DMXL1: variants seen among roughly 807,000 people sequenced by gnomAD.
The protein encoded by DMXL1 is Dmx like 1.
A neutral mutation model predicts 319.2 loss-of-function variants in DMXL1; 99 were observed. That is an observed-to-expected ratio of 0.31 (90% CI 0.26 to 0.37). The LOEUF (loss-of-function observed/expected upper bound fraction) is 0.37, where lower values mean the gene tolerates loss of function less well. DMXL1 is among the 10% of genes least tolerant of loss of function. The probability of loss-of-function intolerance (pLI) is 1.00; values close to 1 mark genes in which losing one functional copy is unlikely to be tolerated. For missense variants in DMXL1, 3,745 were observed against 3,595.6 expected (o/e 1.04, Z -1.06); for synonymous variants, 1,385 against 1,235.2 (o/e 1.12, Z -2.54).
At chr5:119,177,134 G>A (rs887448030) in intron 26 of DMXL1, among the ~76,000 whole-genome samples, 3 of 151,960 alleles carry the variant, frequency 2.0e-5, no homozygotes, top group Admixed American at 6.6e-5. Context: ...TTTCTCATTT[G>A]TACTTATTCT....
chr5:119,156,636 G>A (rs1255156636), intron 19 of DMXL1, among the ~76,000 whole-genome samples: 5 of 151,532 alleles, frequency 3.3e-5, no homozygotes, highest in Non-Finnish European at 7.4e-5. Flanking sequence ...GGATCATGTG[G>A]TAATTTTGTT....
intron 32 of DMXL1, among the ~76,000 whole-genome samples, chr5:119,199,197 T>C (rs533359173): frequency 1.3e-3 from 200 of 152,182 alleles, no homozygotes; most frequent in Non-Finnish European, 2.4e-3. Context: ...CCCCAGTAGT[T>C]ATTTTTGTGA....
intron 9 of DMXL1, among the ~76,000 whole-genome samples, chr5:119,123,247 G>A (rs909583512): frequency 6.6e-6 from 1 of 151,714 alleles, no homozygotes; most frequent in Non-Finnish European, 1.5e-5. Flanking sequence ...AGCCGAGATG[G>A]CGGCAGTACA....
chr5:119,220,838 A>G, intron 36 of DMXL1, 102 bp from the exon 37 acceptor site: 9 of 1,403,312 alleles, frequency 6.4e-6, no homozygotes, highest in African/African-American at 1.4e-5. Context: ...GCTGAAGAAA[A>G]TTAATTTTAA....
At chr5:119,165,465 C>G (rs1231043772) in intron 21 of DMXL1, among the ~76,000 whole-genome samples, 185 bp downstream of exon 21, 1 of 152,116 alleles carries the variant, frequency 6.6e-6, no homozygotes, top group Non-Finnish European at 1.5e-5. Flanking sequence ...TGGAAGAAAC[C>G]TGATGAGGTC....
intron 7 of DMXL1, 23 bp downstream of exon 7, chr5:119,116,359 T>A (rs766767741): frequency 1.2e-6 from 2 of 1,604,982 alleles, no homozygotes; most frequent in South Asian, 2.2e-5. Flanking sequence ...GTCATTTCCC[T>A]CCACATATTA....
chr5:119,153,822 T>C (rs1770378216), intron 19 of DMXL1, among the ~76,000 whole-genome samples: 1 of 152,224 alleles, frequency 6.6e-6, no homozygotes, highest in Admixed American at 6.5e-5. Context: ...CTAGGTTGCA[T>C]TTTGCAAATA....
At position 119,129,127 on chromosome 5, in the gene DMXL1, G is replaced by GTAATAAAATA. The variant is rs1163891099; in HGVS notation, c.1103-79_1103-78insAAATATAATA. 5.0e-6 allele frequency: 4 copies of GTAATAAAATA among 802,064 alleles called. No homozygotes were observed. In the African/African-American group the frequency reaches 7.1e-5, roughly 14 times the overall value. 49.7% of individuals were successfully genotyped at this position (802,064 alleles called of 1,614,324 possible). On this transcript the variant is annotated intron_variant, in intron 9 of 43. Transcript: ENST00000539542. Reference sequence around the variant, plus strand: ...ACTTTCAGGCAAACAAAATATAAATGTAATAGTAATAAAAATATGAAACAT... The same window carrying GTAATAAAATA: ...ACTTTCAGGCAAACAAAATATAAATGTAATAAAATATAATAGTAATAAAAATATGAAACAT...
chr5:119,159,335 A>G (rs1771760372), intron 19 of DMXL1, among the ~76,000 whole-genome samples: 1 of 152,138 alleles, frequency 6.6e-6, no homozygotes, highest in African/African-American at 2.4e-5. Flanking sequence ...GACCTCAAGT[A>G]ATCTGCCTGC....
At chr5:119,140,771 C>T (rs1767134895) in intron 13 of DMXL1, among the ~76,000 whole-genome samples, 4 of 152,094 alleles carry the variant, frequency 2.6e-5, no homozygotes, top group Admixed American at 2.6e-4. Context: ...CCAGCATTAT[C>T]CTGATACCAA....
intron 8 of DMXL1, among the ~76,000 whole-genome samples, chr5:119,120,689 C>A (rs932707253): frequency 6.6e-6 from 1 of 151,654 alleles, no homozygotes. Flanking sequence ...TTAGGAAATA[C>A]ATTTTAAGAA....
chr5:119,078,297 T>G (rs1034148203), intron 1 of DMXL1, among the ~76,000 whole-genome samples: 2 of 152,126 alleles, frequency 1.3e-5, no homozygotes, highest in African/African-American at 4.8e-5. Context: ...TCACTTTTAT[T>G]TTCACAAACT....
At chr5:119,086,195 C>A (rs536003799) in intron 1 of DMXL1, among the ~76,000 whole-genome samples, 64 of 152,224 alleles carry the variant, frequency 4.2e-4, no homozygotes, top group African/African-American at 1.1e-3. Context: ...CCTTATGAAA[C>A]CATCAGATCT....
At chr5:119,150,774 G>T (rs1307629914) in intron 18 of DMXL1, among the ~76,000 whole-genome samples, 2 of 151,522 alleles carry the variant, frequency 1.3e-5, no homozygotes, top group Non-Finnish European at 2.9e-5. Context: ...GGACAATAGA[G>T]CAAGACCCTG....
chr5:119,186,015 C>T (rs1286832209), intron 28 of DMXL1, among the ~76,000 whole-genome samples: 1 of 152,130 alleles, frequency 6.6e-6, no homozygotes, highest in Non-Finnish European at 1.5e-5. Flanking sequence ...TTAACATATA[C>T]CTCTTAGGAG....
chr5:119,098,521 T>C (rs1756505329), intron 2 of DMXL1, among the ~76,000 whole-genome samples: 1 of 152,186 alleles, frequency 6.6e-6, no homozygotes, highest in Non-Finnish European at 1.5e-5. Context: ...TGTGTAACTT[T>C]TTGTGGAAAT....
intron 25 of DMXL1, among the ~76,000 whole-genome samples, chr5:119,173,786 A>ATATATATATATATATATATATATATG (rs1775212025): frequency 8.2e-6 from 1 of 122,266 alleles, no homozygotes; most frequent in Admixed American, 8.6e-5. Context: ...GTATATATAT[A>ATATATATATATATATATATATATATG]TATATATATA....
At chr5:119,071,855 C>T (rs946550468) in intron 1 of DMXL1, among the ~76,000 whole-genome samples, 199 bp downstream of exon 1, 11 of 152,256 alleles carry the variant, frequency 7.2e-5, no homozygotes, top group Admixed American at 7.2e-4. Flanking sequence ...TGTATGGAGC[C>T]TGAACTCAAG....
intron 43 of DMXL1, 37 bp from the exon 44 acceptor site, chr5:119,246,958 C>A: frequency 6.7e-7 from 1 of 1,483,978 alleles, no homozygotes; most frequent in South Asian, 1.2e-5. Context: ...AGGTCATCAT[C>A]AACCCTAATT....
Sources: allele counts gnomAD v4.1 joint callset (sites outside exome capture counted in the v4.1 genomes callset), GRCh38; gene constraint gnomAD v4.1.1; transcripts MANE v1.5; gene names NCBI Gene and HGNC (gene_info 2026-07-23, HGNC 2026-07-21).